The following EYS variants were observed in gnomAD, a reference collection of about 807,000 sequenced individuals.
EYS encodes the protein EGF-like photoreceptor maintenance factor.
Under a neutral mutation model 282.1 loss-of-function variants are expected in EYS, and 250 were observed. That is an observed-to-expected ratio of 0.89 (90% CI 0.80 to 0.98). The LOEUF (loss-of-function observed/expected upper bound fraction) is 0.98, where lower values mean the gene tolerates loss of function less well. Ranked by LOEUF, EYS falls within the 50% of genes least tolerant of loss-of-function variation. The probability of loss-of-function intolerance (pLI) is 0.00; values close to 1 mark genes in which losing one functional copy is unlikely to be tolerated. For synonymous variants in EYS, 1,355 were observed against 1,282.9 expected, an observed-to-expected ratio of 1.06 and a Z score of -1.20; for missense variants, 4,016 against 3,709.0, an observed-to-expected ratio of 1.08 and a Z score of -2.15.
In EYS at chr6:64,954,478, G is replaced by C. The variant is rs79925556; in HGVS notation, c.2260-8564C>G. ...TTTTTCCCTAGTACACAAATAATAA[G>C]AATATAGAAAATATAATCTTGTATG... On this transcript the variant is annotated intron_variant, in intron 14 of 42. Coordinates refer to ENST00000503581, the MANE Select transcript of EYS (RefSeq NM_001142800.2). 8.9e-3 allele frequency among the ~76,000 whole-genome samples: 1,351 copies of C among 151,140 alleles called. 22 individuals carry two copies. Among genetic ancestry groups the C allele is most frequent in the African/African-American group, 0.031 (1,304 of 41,436 alleles).
chr6:65,557,784 G>T (rs1459590689), intron 2 of EYS, among the ~76,000 whole-genome samples: 3 of 152,144 alleles, frequency 2.0e-5, no homozygotes, highest in African/African-American at 7.2e-5. Context: ...AAGGCAGAGA[G>T]GAGTTTTATT....
In EYS at chr6:65,584,248, T is replaced by G. The variant is rs374135296; in HGVS notation, c.-333+55530A>C. ...TTTGCTGGATGATTTTGCATCCCCA[T>G]GGGACATTTGGCAACAGTTGAAGAC... On this transcript the variant is annotated intron_variant, in intron 2 of 42. Coordinates refer to ENST00000503581, the MANE Select transcript of EYS (RefSeq NM_001142800.2). 3.3e-5 allele frequency among the ~76,000 whole-genome samples: 5 copies of G among 152,166 alleles called. No individual in the cohort carries two copies. The East Asian group carries it at 9.7e-4, about 29-fold the overall frequency.
intron 22 of EYS, among the ~76,000 whole-genome samples, chr6:64,812,772 C>T (rs1029016358): frequency 3.3e-5 from 4 of 121,564 alleles, no homozygotes; most frequent in Admixed American, 2.2e-4. Flanking sequence ...TACCTGGGTT[C>T]GGTTATTATT....
At chr6:64,229,335 T>TAA (rs1395356982) in intron 31 of EYS, among the ~76,000 whole-genome samples, 2 of 152,108 alleles carry the variant, frequency 1.3e-5, no homozygotes, top group Non-Finnish European at 2.9e-5. Context: ...ATTAAAAAGA[T>TAA]AAAAAGCCCT....
intron 19 of EYS, among the ~76,000 whole-genome samples, chr6:64,846,453 T>G (rs1765716788): frequency 6.6e-6 from 1 of 152,104 alleles, no homozygotes; most frequent in African/African-American, 2.4e-5. Context: ...GGTTAGATAA[T>G]TTGAGTTTAG....
rs114830339 is a variant in EYS, at chr6:65,652,025, A to G, written c.-447-12133T>C. On this transcript the variant is annotated intron_variant, in intron 1 of 42. Transcript: ENST00000503581. ...CTTTGATGGTATTAGACACAATAGA[A>G]GCTCCATTTTTTTCTGATGTATGTA... 4.9e-3 allele frequency among the ~76,000 whole-genome samples: 745 copies of G among 152,094 alleles called. 6 individuals are homozygous for G. The highest frequency in any genetic ancestry group is 0.017 in the African/African-American group (703 of 41,542).
At chr6:64,462,657 A>C (rs993642497) in intron 26 of EYS, among the ~76,000 whole-genome samples, 4 of 151,998 alleles carry the variant, frequency 2.6e-5, no homozygotes, top group African/African-American at 9.7e-5. Flanking sequence ...AAATTCTCAG[A>C]TCTCCCAAGT....
chr6:64,814,546 A>G (rs958998738), intron 21 of EYS, among the ~76,000 whole-genome samples: 2 of 152,030 alleles, frequency 1.3e-5, no homozygotes, highest in Non-Finnish European at 2.9e-5. Context: ...CTTCTACCAT[A>G]TCATACCATA....
At chr6:63,935,615 G>C (rs1765036088) in intron 35 of EYS, among the ~76,000 whole-genome samples, 1 of 152,162 alleles carries the variant, frequency 6.6e-6, no homozygotes, top group Non-Finnish European at 1.5e-5. Context: ...GCCACGTGAG[G>C]AAAGACCACA....
At chr6:64,158,797 CA>C (rs71983951) in intron 31 of EYS, among the ~76,000 whole-genome samples, 16,979 of 152,220 alleles carry the variant, frequency 0.11, 1,832 homozygotes, top group African/African-American at 0.29. Flanking sequence ...TAACCACAAA[CA>C]AAAATCATTC....
chr6:65,473,497 G>A (rs1765291037), intron 5 of EYS, among the ~76,000 whole-genome samples: 1 of 151,916 alleles, frequency 6.6e-6, no homozygotes, highest in Non-Finnish European at 1.5e-5. Flanking sequence ...TCCACCAACT[G>A]TGGTCAGTAA....
At chr6:64,750,828 G>T (rs936176325) in intron 22 of EYS, among the ~76,000 whole-genome samples, 1 of 152,152 alleles carries the variant, frequency 6.6e-6, no homozygotes, top group African/African-American at 2.4e-5. Context: ...GAGAAGGTGG[G>T]TGATCAGCAT....
chr6:65,164,696 T>C (rs1764930660), intron 12 of EYS, among the ~76,000 whole-genome samples: 1 of 151,300 alleles, frequency 6.6e-6, no homozygotes, highest in Admixed American at 6.6e-5. Flanking sequence ...CAGAAATCAA[T>C]TGCCTCATAG....
At chr6:63,952,995 T>C (rs1053191565) in intron 35 of EYS, among the ~76,000 whole-genome samples, 1 of 152,216 alleles carries the variant, frequency 6.6e-6, no homozygotes, top group Non-Finnish European at 1.5e-5. Context: ...ACTGGACAAG[T>C]CTTACAGGTT....
At chr6:64,405,614 A>C (rs1490385977) in intron 28 of EYS, among the ~76,000 whole-genome samples, 2 of 152,212 alleles carry the variant, frequency 1.3e-5, no homozygotes, top group Admixed American at 1.3e-4. Context: ...TAAGCTGATA[A>C]GCAACTTCAG....
At chr6:64,676,721 C>T (rs1419972670) in intron 22 of EYS, among the ~76,000 whole-genome samples, 6 of 152,144 alleles carry the variant, frequency 3.9e-5, no homozygotes, top group East Asian at 3.9e-4. Flanking sequence ...AAGATCAAGG[C>T]GTCAGCAGAC....
chr6:64,092,977 G>T (rs1562196582), intron 31 of EYS, among the ~76,000 whole-genome samples: 1 of 151,360 alleles, frequency 6.6e-6, no homozygotes, highest in Non-Finnish European at 1.5e-5. Flanking sequence ...CATATGGCTA[G>T]CCAGTTTTCC....
chr6:65,694,182 T>C (rs1057228258), intron 1 of EYS, among the ~76,000 whole-genome samples: 5 of 150,118 alleles, frequency 3.3e-5, no homozygotes, highest in African/African-American at 1.2e-4. Flanking sequence ...TGCTTGAACC[T>C]GGGAAGCAGA....
chr6:65,049,996 C>T (rs1423857820), intron 13 of EYS, among the ~76,000 whole-genome samples: 1 of 151,382 alleles, frequency 6.6e-6, no homozygotes, highest in Non-Finnish European at 1.5e-5. Flanking sequence ...TAATTACCCA[C>T]CCAAATGGAG....
Sources: gnomAD v4.1 joint callset for allele counts (sites outside exome capture counted in the v4.1 genomes callset) on GRCh38, gnomAD v4.1.1 for gene constraint, MANE v1.5 for transcripts, NCBI Gene and HGNC (gene_info 2026-07-23, HGNC 2026-07-21) for gene names.